PLEKHM3: variants seen among roughly 807,000 people sequenced by gnomAD.
PLEKHM3 encodes pleckstrin homology domain containing M3, also known as pleckstrin homology domain-containing family M member 3.
PLEKHM3 carries 45 observed loss-of-function variants against 81.8 expected under a neutral mutation model. The ratio of observed to expected loss-of-function variants is 0.55; its 90% CI spans 0.43 to 0.71. The LOEUF is 0.71. PLEKHM3 is among the 30% of genes least tolerant of loss of function. The pLI, the probability that PLEKHM3 is intolerant of heterozygous loss-of-function variation, is 0.00. For missense variants in PLEKHM3, 788 were observed against 924.3 expected (o/e 0.85, Z 1.91); for synonymous variants, 352 against 356.4 (o/e 0.99, Z 0.14).
rs779229571 is a variant in PLEKHM3, at chr2:207,987,645, G to T, written c.611-10059C>A. On this transcript the variant is annotated intron_variant, in intron 2 of 7. Transcript: ENST00000427836. ...GACAACACAGTTCCTTACCCTCTTTGACTCTAGAGACAAATTCTGTCTTCC... is the reference window on the plus strand; with the variant it reads ...GACAACACAGTTCCTTACCCTCTTTTACTCTAGAGACAAATTCTGTCTTCC... 1.7e-4 allele frequency among the ~76,000 whole-genome samples: 26 copies of T among 152,092 alleles called. 1 individual carries two copies. The highest frequency in any genetic ancestry group is 3.2e-4 in the Non-Finnish European group (22 of 68,014).
chr2:208,008,227 G>C (rs1468169289), intron 1 of PLEKHM3, among the ~76,000 whole-genome samples: 1 of 151,676 alleles, frequency 6.6e-6, no homozygotes, highest in Non-Finnish European at 1.5e-5. Context: ...GACAGAGTGA[G>C]ACCCTGTCTC....
intron 6 of PLEKHM3, chr2:207,869,038 T>G (rs2092518217): frequency 6.6e-6 from 1 of 152,234 alleles, no homozygotes; most frequent in Non-Finnish European, 1.5e-5. Context: ...AAACTTAATC[T>G]GAATCACTTA....
At chr2:207,961,076 G>C (rs764462783) in intron 3 of PLEKHM3, among the ~76,000 whole-genome samples, 1 of 152,170 alleles carries the variant, frequency 6.6e-6, no homozygotes, top group Admixed American at 6.5e-5. Flanking sequence ...AGGCTGGCTC[G>C]GGGCCATATA....
chr2:207,849,268 A>T (rs1158267862), intron 7 of PLEKHM3, among the ~76,000 whole-genome samples: 1 of 151,956 alleles, frequency 6.6e-6, no homozygotes, highest in Non-Finnish European at 1.5e-5. Context: ...CGGGAGGTGG[A>T]GGTTGCAGTG....
intron 7 of PLEKHM3, among the ~76,000 whole-genome samples, chr2:207,850,768 T>C (rs1051749738): frequency 2.6e-5 from 4 of 152,190 alleles, no homozygotes; most frequent in Non-Finnish European, 5.9e-5. Context: ...ATTTTGTGGA[T>C]TTATGTGACT....
At chr2:207,838,808 A>T (rs2092334077) in intron 7 of PLEKHM3, among the ~76,000 whole-genome samples, 1 of 152,324 alleles carries the variant, frequency 6.6e-6, no homozygotes, top group Middle Eastern at 3.4e-3. Context: ...GGATTTAAAC[A>T]TTTCTACCAT....
At chr2:207,901,298 G>C (rs1249960090) in intron 6 of PLEKHM3, 1 of 703,058 alleles carries the variant, frequency 1.4e-6, no homozygotes, top group Non-Finnish European at 2.6e-6. Context: ...TTTGGCTGTA[G>C]TGCCTGGGTC....
chr2:207,929,904 A>G (rs891918716), intron 5 of PLEKHM3: 1 of 700,542 alleles, frequency 1.4e-6, no homozygotes, highest in African/African-American at 1.7e-5. Flanking sequence ...TACCTCCAAA[A>G]ACATTTAACA....
intron 4 of PLEKHM3, among the ~76,000 whole-genome samples, chr2:207,940,216 T>C (rs927753646): frequency 6.6e-6 from 1 of 152,204 alleles, no homozygotes; most frequent in Non-Finnish European, 1.5e-5. Context: ...GTTATATAGA[T>C]GTTATGATAA....
At chr2:207,957,629 C>T (rs868237614) in intron 3 of PLEKHM3, among the ~76,000 whole-genome samples, 2 of 152,062 alleles carry the variant, frequency 1.3e-5, no homozygotes, top group African/African-American at 4.8e-5. Flanking sequence ...ACCCAGGAGA[C>T]GGAGGTTGCA....
intron 6 of PLEKHM3, among the ~76,000 whole-genome samples, chr2:207,870,805 A>T (rs2092529783): frequency 6.6e-6 from 1 of 152,182 alleles, no homozygotes; most frequent in African/African-American, 2.4e-5. Context: ...ATCAATCCTT[A>T]AAAATAGAAA....
intron 4 of PLEKHM3, among the ~76,000 whole-genome samples, chr2:207,941,449 C>G (rs753518686): frequency 6.6e-6 from 1 of 152,146 alleles, no homozygotes; most frequent in Non-Finnish European, 1.5e-5. Flanking sequence ...ACTAGACCCC[C>G]TCAGGATATA....
intron 3 of PLEKHM3, among the ~76,000 whole-genome samples, chr2:207,971,389 C>G (rs575098722): frequency 6.6e-6 from 1 of 152,104 alleles, no homozygotes; most frequent in South Asian, 2.1e-4. Flanking sequence ...AACAATAATA[C>G]GTAGTTTCAA....
At chr2:207,980,632 T>C (rs1335967091) in intron 2 of PLEKHM3, among the ~76,000 whole-genome samples, 1 of 152,110 alleles carries the variant, frequency 6.6e-6, no homozygotes, top group Non-Finnish European at 1.5e-5. Flanking sequence ...GCAATGGCGT[T>C]ATCATGACTC....
At chr2:207,982,473 T>C (rs994143150) in intron 2 of PLEKHM3, among the ~76,000 whole-genome samples, 2 of 151,878 alleles carry the variant, frequency 1.3e-5, no homozygotes, top group African/African-American at 2.4e-5. Context: ...TCTTGCTATG[T>C]TGCCCAGGCT....
At chr2:207,886,027 T>G (rs1165674421) in intron 6 of PLEKHM3, among the ~76,000 whole-genome samples, 1 of 152,180 alleles carries the variant, frequency 6.6e-6, no homozygotes, top group Non-Finnish European at 1.5e-5. Flanking sequence ...TAGATCAGTA[T>G]AATTTTTTTC....
intron 2 of PLEKHM3, among the ~76,000 whole-genome samples, chr2:207,990,962 T>C (rs1444547877): frequency 2.0e-5 from 3 of 152,212 alleles, no homozygotes; most frequent in Non-Finnish European, 4.4e-5. Flanking sequence ...TATACCAGTT[T>C]AGGGATCTCT....
intron 6 of PLEKHM3, chr2:207,901,271 C>T: frequency 1.4e-6 from 1 of 703,066 alleles, no homozygotes; most frequent in Non-Finnish European, 2.6e-6. Flanking sequence ...CTTCAATCAT[C>T]TGTGGATCAG....
intron 3 of PLEKHM3, among the ~76,000 whole-genome samples, chr2:207,959,742 T>C (rs1353076972): frequency 6.6e-6 from 1 of 152,220 alleles, no homozygotes; most frequent in Non-Finnish European, 1.5e-5. Flanking sequence ...ATTTTGGTAA[T>C]GATAACAATT....
Sources: gnomAD v4.1 joint callset for allele counts (sites outside exome capture counted in the v4.1 genomes callset) on GRCh38, gnomAD v4.1.1 for gene constraint, MANE v1.5 for transcripts, NCBI Gene and HGNC (gene_info 2026-07-23, HGNC 2026-07-21) for gene names.